RNH1: variants seen among roughly 807,000 people sequenced by gnomAD.
RNH1 encodes ribonuclease/angiogenin inhibitor 1, also known as ribonuclease inhibitor.
In RNH1, 38 loss-of-function variants were observed where a neutral mutation model predicts 46.1. The observed-to-expected ratio is 0.82, with a 90% CI of 0.64 to 1.08. The LOEUF is 1.08. RNH1 is among the 50% of genes least tolerant of loss of function. The probability of loss-of-function intolerance (pLI) is 0.00; values close to 1 mark genes in which losing one functional copy is unlikely to be tolerated. For synonymous variants in RNH1, 319 were observed against 279.1 expected (o/e 1.14, Z -1.43); for missense variants, 577 against 590.7 (o/e 0.98, Z 0.24).
chr11:495,076 C>A, intron 9 of RNH1, 23 bp from the exon 10 acceptor site: 1 of 1,596,622 alleles, frequency 6.3e-7, no homozygotes, highest in East Asian at 2.3e-5. Context: ...GGGCGGGGGT[C>A]AGGGTGCCGG....
chr11:505,797 T>C (rs925597292), intron 1 of RNH1: 1 of 151,482 alleles, frequency 6.6e-6, no homozygotes, highest in Non-Finnish European at 1.5e-5. Flanking sequence ...CGCAAACTCC[T>C]GGGCTCAAGA....
intron 5 of RNH1, chr11:499,612 G>A: frequency 1.4e-6 from 1 of 725,730 alleles, no homozygotes; most frequent in Non-Finnish European, 2.5e-6. Flanking sequence ...TGGATGGGGA[G>A]GGAGGGTGAT....
In RNH1 at chr11:497,954, G is replaced by A; in HGVS notation, c.1127+17C>T. 1 of 1,608,228 alleles carries A rather than the reference G, an allele frequency of 6.2e-7. No individual in the cohort carries two copies. The highest frequency in any genetic ancestry group is 8.5e-7 in the Non-Finnish European group (1 of 1,177,132). ...TGATCTCCCAAATGTGCATACTCGTGTCCCTCACACACTCACCAGAGCACC... is the reference window on the plus strand; with the variant it reads ...TGATCTCCCAAATGTGCATACTCGTATCCCTCACACACTCACCAGAGCACC... On this transcript the variant is annotated intron_variant, in intron 9 of 10. Coordinates refer to ENST00000354420, the MANE Select transcript of RNH1 (RefSeq NM_203387.3).
chr11:502,283 G>C lies in RNH1; in HGVS notation c.-87-34C>G. 1.3e-6 allele frequency: 1 copy of C among 762,836 alleles called. No homozygotes were observed. The highest frequency in any genetic ancestry group is 2.2e-6 in the Non-Finnish European group (1 of 447,646). 47.3% of individuals were successfully genotyped at this position (762,836 alleles called of 1,614,324 possible). On this transcript the variant is annotated intron_variant, in intron 2 of 10. Coordinates refer to ENST00000354420, the MANE Select transcript of RNH1 (RefSeq NM_203387.3). This position sits in a 1 kb window ranked among gnomAD's most constrained non-coding sequence, Gnocchi z 5.8. ...AGGACCCACAGGGCTGATGTTTCAG[G>C]AGGAGCCGCAGCCTCTCCCTGGGCA...
At chr11:500,761 G>A (rs760093605) in intron 3 of RNH1, 107 bp from the exon 4 acceptor site, 9 of 1,158,708 alleles carry the variant, frequency 7.8e-6, no homozygotes, top group Non-Finnish European at 1.0e-5. Flanking sequence ...CCAGAAGACA[G>A]CAAGGCAAGT....
In RNH1 at chr11:502,474, G is replaced by C. The variant is rs1206364906; in HGVS notation, c.-87-225C>G. 2.3e-6 allele frequency: 1 copy of C among 442,530 alleles called. No homozygotes were observed. Among genetic ancestry groups the C allele is most frequent in the Non-Finnish European group, 4.2e-6 (1 of 239,224 alleles). 27.4% of individuals were successfully genotyped at this position (442,530 alleles called of 1,614,324 possible). A position where few individuals can be genotyped will look rare whatever the true frequency, so the allele number is the denominator to read the frequency against. On this transcript the variant is annotated intron_variant, in intron 2 of 10. Transcript: ENST00000354420. This position sits in a 1 kb window ranked among gnomAD's most constrained non-coding sequence, Gnocchi z 5.8. ...TCCTGGCTATCACCACCCAGCCTCT[G>C]TGGGCACCTCCTCCTGCCCCACAGA...
chr11:499,236 G>T, intron 5 of RNH1, 51 bp from the exon 6 acceptor site: 1 of 1,594,020 alleles, frequency 6.3e-7, no homozygotes, highest in Non-Finnish European at 8.5e-7. Flanking sequence ...CCAGCCAAGG[G>T]TGTGATACCA....
intron 5 of RNH1, chr11:499,521 C>T (rs565127897): frequency 3.9e-5 from 27 of 697,222 alleles, no homozygotes; most frequent in Admixed American, 3.6e-4. Context: ...CACACTGAGG[C>T]GGTGAGTGGA....
In RNH1 at chr11:500,009, A is replaced by G; in HGVS notation, c.273-10T>C. On this transcript the variant is annotated splice_polypyrimidine_tract_variant and intron_variant, in intron 4 of 10. Coordinates refer to ENST00000354420, the MANE Select transcript of RNH1 (RefSeq NM_203387.3). ...GCAGCAGTTCTGGAGGCTGGAGCAT[A>G]CCTGGCTGTCAGCAGGGCTCCCCTG... The G allele has an allele frequency of 6.5e-7, 1 of 1,537,814 alleles. No homozygotes were observed. The highest frequency in any genetic ancestry group is 1.2e-5 in the South Asian group (1 of 83,198).
chr11:495,164 A>G, intron 9 of RNH1, 111 bp from the exon 10 acceptor site: 2 of 1,110,596 alleles, frequency 1.8e-6, no homozygotes, highest in Non-Finnish European at 1.3e-6. Context: ...TCGGCAACTC[A>G]GGACCCTCAG....
In RNH1 at chr11:499,948, T is replaced by G; in HGVS notation, c.324A>C (p.Thr108=). ...CCTGCAGGGTGGGCAGGGTGCGTAG[T>G]GTGCTGGACAGGACCCCGCAGCCGG... ...TGAGCGVLSS[T]LRTLPTLQEL... Residue 108 remains threonine (T), a synonymous_variant, in exon 5 of 11, where the codon ACA becomes ACC. Transcript: ENST00000354420. 6.2e-7 allele frequency: 1 copy of G among 1,609,896 alleles called. No homozygotes were observed.
intron 9 of RNH1, among the ~76,000 whole-genome samples, chr11:496,008 G>A (rs1343915463): frequency 6.6e-6 from 1 of 152,080 alleles, no homozygotes; most frequent in African/African-American, 2.4e-5. Context: ...ACATCGAAAA[G>A]AAAATTTGGA....
chr11:496,611 G>A (rs560608589), intron 9 of RNH1, among the ~76,000 whole-genome samples: 1 of 152,286 alleles, frequency 6.6e-6, no homozygotes, highest in Admixed American at 6.5e-5. Context: ...GGAGCTTGCA[G>A]TGAGCCAAGA....
chr11:498,993 C>T lies in RNH1; in HGVS notation c.614+22G>A, dbSNP rs746443922. The T allele has an allele frequency of 1.1e-5, 18 of 1,612,222 alleles. No homozygotes were observed. In the East Asian group the frequency reaches 2.2e-4, roughly 20 times the overall value. ...ACCCCCCCTAGCCCACACCCCGCAC[C>T]CCCCCAAGGCCCAGTGCCTACTTGA... On this transcript the variant is annotated intron_variant, in intron 6 of 10. Coordinates refer to ENST00000354420, the MANE Select transcript of RNH1 (RefSeq NM_203387.3).
At position 502,242 on chromosome 11, in the gene RNH1, C is replaced by A; in HGVS notation, c.-80G>T. On this transcript the variant is annotated 5_prime_UTR_variant, in exon 3 of 11. Coordinates refer to ENST00000354420, the MANE Select transcript of RNH1 (RefSeq NM_203387.3). This position sits in a 1 kb window ranked among gnomAD's most constrained non-coding sequence, Gnocchi z 5.8. Reference sequence around the variant, plus strand: ...CGAATCCCCTCACAGTTTCACAGGCCGGAGATTCTGCAAACAGGACCCACA... The same window carrying A: ...CGAATCCCCTCACAGTTTCACAGGCAGGAGATTCTGCAAACAGGACCCACA... 8.5e-7 allele frequency: 1 copy of A among 1,173,274 alleles called. No individual in the cohort carries two copies. The highest frequency in any genetic ancestry group is 1.3e-5 in the South Asian group (1 of 76,970). The allele number at this position is 1,173,274 out of a possible 1,614,324, so 72.7% of individuals were successfully genotyped here. A position where few individuals can be genotyped will look rare whatever the true frequency, so the allele number is the denominator to read the frequency against.
intron 9 of RNH1, among the ~76,000 whole-genome samples, chr11:497,413 T>C (rs1382778328): frequency 7.5e-6 from 1 of 133,874 alleles, no homozygotes; most frequent in Non-Finnish European, 1.6e-5. Context: ...ACCCATGTGC[T>C]CACACACGGA....
rs137945386 is a variant in RNH1 at position 499,870 on chromosome 11, G to A, written c.402C>T (p.Cys134=). ...LLGDAGLQLL[C]EGLLDPQCRL... ...GGCACTGGGGGTCCAGGAGTCCTTC[G>A]CAGAGCAGCTGCAGGCCCGCATCCC... Residue 134 remains cysteine (C), a synonymous_variant, in exon 5 of 11, where the codon TGC becomes TGT. Coordinates refer to ENST00000354420, the MANE Select transcript of RNH1 (RefSeq NM_203387.3). 45 of 1,612,704 alleles carry A rather than the reference G, an allele frequency of 2.8e-5. No individual in the cohort carries two copies. Among genetic ancestry groups the A allele is most frequent in the Admixed American group, 3.3e-5 (2 of 59,938 alleles).
chr11:498,133 GACTTCA>G lies in RNH1; in HGVS notation c.959_964del (p.Val320_Ser322delinsAla), dbSNP rs1321816557. ...GCAGCAGGCGGCTGTGAAGCTGCAG[GACTTCA>G]CCCTGTGGACACAGACAGGACTGAC... is the stretch of plus-strand genomic sequence containing the variant. On this transcript the variant is annotated inframe_deletion and splice_region_variant, in exon 9 of 11. Transcript: ENST00000354420. The G allele has an allele frequency of 6.2e-7, 1 of 1,613,182 alleles. No individual in the cohort carries two copies. The highest frequency in any genetic ancestry group is 8.5e-7 in the Non-Finnish European group (1 of 1,179,736).
intron 5 of RNH1, 44 bp downstream of exon 5, chr11:499,785 C>G: frequency 1.9e-6 from 3 of 1,580,156 alleles, no homozygotes; most frequent in Non-Finnish European, 2.6e-6. Flanking sequence ...GGCTGGGGGA[C>G]AGGCAGCGGC....
Sources: allele counts gnomAD v4.1 joint callset (sites outside exome capture counted in the v4.1 genomes callset), GRCh38; gene constraint gnomAD v4.1.1; non-coding constraint Gnocchi (gnomAD v3.1); transcripts MANE v1.5; gene names NCBI Gene and HGNC (gene_info 2026-07-23, HGNC 2026-07-21).